SAMD4A: variants seen among roughly 807,000 people sequenced by gnomAD.
SAMD4A encodes sterile alpha motif domain containing 4A.
SAMD4A carries 33 observed loss-of-function variants against 81.3 expected under a neutral mutation model. The observed-to-expected ratio is 0.41, with a 90% CI of 0.31 to 0.54. The LOEUF is 0.54. SAMD4A is among the 20% of genes least tolerant of loss of function. The pLI is 0.37. For missense variants in SAMD4A, 854 were observed against 951.1 expected (o/e 0.90, Z 1.34); for synonymous variants, 389 against 382.1 (o/e 1.02, Z -0.21).
chr14:54,626,066 G>A (rs999065633), intron 2 of SAMD4A, among the ~76,000 whole-genome samples: 9 of 93,654 alleles, frequency 9.6e-5, no homozygotes, highest in African/African-American at 1.5e-4. Flanking sequence ...GTGTGCGCGC[G>A]CGCGCGCGCG....
chr14:54,769,356 G>A (rs1460026282), intron 8 of SAMD4A, among the ~76,000 whole-genome samples: 3 of 152,130 alleles, frequency 2.0e-5, no homozygotes, highest in Non-Finnish European at 4.4e-5. Flanking sequence ...TTCCTGCCTT[G>A]GAGACTCCTA....
chr14:54,736,626 A>C (rs2037701014), intron 3 of SAMD4A, among the ~76,000 whole-genome samples: 1 of 152,266 alleles, frequency 6.6e-6, no homozygotes, highest in Non-Finnish European at 1.5e-5. Context: ...TCTGTTTAAA[A>C]AACAACAGCA....
chr14:54,575,236 A>G (rs1394720793), intron 2 of SAMD4A, among the ~76,000 whole-genome samples: 1 of 152,142 alleles, frequency 6.6e-6, no homozygotes, highest in African/African-American at 2.4e-5. Context: ...CGACAAAGCT[A>G]TGGCCAGCAG....
chr14:54,750,534 G>A (rs2140974259), intron 5 of SAMD4A, among the ~76,000 whole-genome samples: 1 of 152,294 alleles, frequency 6.6e-6, no homozygotes, highest in South Asian at 2.1e-4. Context: ...AACTCTTACT[G>A]TGAATCCTAA....
At chr14:54,636,824 C>T (rs1340316152) in intron 2 of SAMD4A, among the ~76,000 whole-genome samples, 1 of 152,026 alleles carries the variant, frequency 6.6e-6, no homozygotes, top group African/African-American at 2.4e-5. Flanking sequence ...GGCAGGAAAG[C>T]TCAGGAATTT....
intron 6 of SAMD4A, among the ~76,000 whole-genome samples, chr14:54,754,214 CT>C (rs1336449797): frequency 6.6e-6 from 1 of 152,166 alleles, no homozygotes; most frequent in East Asian, 1.9e-4. Context: ...TCCATCTAGC[CT>C]TTGATAAGTC....
At chr14:54,652,317 G>A (rs1410825350) in intron 2 of SAMD4A, among the ~76,000 whole-genome samples, 6 of 152,162 alleles carry the variant, frequency 3.9e-5, no homozygotes, top group Non-Finnish European at 5.9e-5. Context: ...ATCTAAAAGC[G>A]AAAGAATGTA....
chr14:54,789,056 C>A lies in SAMD4A; in HGVS notation c.*112C>A. The stretch of plus-strand genomic sequence containing the variant: ...TCCAAGATACTTTGCAGCCTTTTTT[C>A]CCCCTGGTCCCTCTCCCGTTTTGAT... On this transcript the variant is annotated 3_prime_UTR_variant, in exon 13 of 13. Coordinates refer to ENST00000554335, the MANE Select transcript of SAMD4A (RefSeq NM_015589.6). The A allele has an allele frequency of 8.5e-7, 1 of 1,181,526 alleles. No homozygotes were observed. The highest frequency in any genetic ancestry group is 1.2e-5 in the South Asian group (1 of 81,580). The allele number at this position is 1,181,526 out of a possible 1,614,324, so 73.2% of individuals were successfully genotyped here.
chr14:54,647,196 C>T (rs1286377450), intron 2 of SAMD4A, among the ~76,000 whole-genome samples: 1 of 152,078 alleles, frequency 6.6e-6, no homozygotes, highest in African/African-American at 2.4e-5. Flanking sequence ...ATGTTTGATA[C>T]GTTATTATCA....
At chr14:54,635,725 G>A (rs1237796188) in intron 2 of SAMD4A, among the ~76,000 whole-genome samples, 1 of 150,768 alleles carries the variant, frequency 6.6e-6, no homozygotes, top group Non-Finnish European at 1.5e-5. Flanking sequence ...TCCAGCGACA[G>A]AGCAAGACTC....
At chr14:54,569,060 TA>T (rs2033050150) in intron 2 of SAMD4A, among the ~76,000 whole-genome samples, 1 of 151,698 alleles carries the variant, frequency 6.6e-6, no homozygotes, top group South Asian at 2.1e-4. Context: ...TGATTTTGGA[TA>T]GGGGGAAATT....
chr14:54,580,137 C>G (rs1489978203), intron 2 of SAMD4A, among the ~76,000 whole-genome samples: 2 of 152,170 alleles, frequency 1.3e-5, no homozygotes, highest in Non-Finnish European at 2.9e-5. Context: ...CTAAGGGCAC[C>G]TGTTAGTAGG....
chr14:54,714,739 A>G (rs1332647329), intron 3 of SAMD4A, among the ~76,000 whole-genome samples: 2 of 152,130 alleles, frequency 1.3e-5, no homozygotes, highest in Non-Finnish European at 2.9e-5. Context: ...TGTTGTCGTT[A>G]TTACTGCTGG....
At chr14:54,640,466 C>T (rs1036228207) in intron 2 of SAMD4A, among the ~76,000 whole-genome samples, 1 of 152,160 alleles carries the variant, frequency 6.6e-6, no homozygotes, top group Admixed American at 6.5e-5. Context: ...GTTGATGGGA[C>T]TCACTGCGGG....
intron 2 of SAMD4A, among the ~76,000 whole-genome samples, chr14:54,679,440 C>A (rs1209654756): frequency 2.0e-5 from 3 of 152,188 alleles, no homozygotes; most frequent in Non-Finnish European, 2.9e-5. Context: ...CAATCTGCAA[C>A]CAAGAACGTG....
Position 54,789,177 on chromosome 14 carries a change from G to A in SAMD4A, c.*233G>A. 1.8e-6 allele frequency: 1 copy of A among 569,500 alleles called. No homozygotes were observed. Among genetic ancestry groups the A allele is most frequent in the Non-Finnish European group, 3.2e-6 (1 of 316,330 alleles). 35.3% of individuals were successfully genotyped at this position (569,500 alleles called of 1,614,324 possible). A position where few individuals can be genotyped will look rare whatever the true frequency, so the allele number is the denominator to read the frequency against. Reference sequence around the variant, plus strand: ...CTGTCATGGGATGGTTTGGTGTGTGGGGTGGGGAGGGGTCTCTAGGGAATT... The same window carrying A: ...CTGTCATGGGATGGTTTGGTGTGTGAGGTGGGGAGGGGTCTCTAGGGAATT... On this transcript the variant is annotated 3_prime_UTR_variant, in exon 13 of 13. Coordinates refer to ENST00000554335, the MANE Select transcript of SAMD4A (RefSeq NM_015589.6).
chr14:54,706,566 C>T (rs572752016), intron 3 of SAMD4A, among the ~76,000 whole-genome samples: 58 of 150,078 alleles, frequency 3.9e-4, no homozygotes, highest in Admixed American at 6.6e-4. Flanking sequence ...GGTGGTGCCA[C>T]TGTACTCCAG....
At chr14:54,728,208 G>A (rs1025137164) in intron 3 of SAMD4A, among the ~76,000 whole-genome samples, 11 of 152,110 alleles carry the variant, frequency 7.2e-5, no homozygotes, top group Admixed American at 2.6e-4. Context: ...AGAGAAGAAC[G>A]GTACGGTTTA....
At chr14:54,652,394 C>G (rs910585628) in intron 2 of SAMD4A, among the ~76,000 whole-genome samples, 3 of 152,194 alleles carry the variant, frequency 2.0e-5, no homozygotes, top group African/African-American at 7.2e-5. Context: ...GACCAACTTG[C>G]GGCATGCCAG....
Sources: allele counts gnomAD v4.1 joint callset (sites outside exome capture counted in the v4.1 genomes callset), GRCh38; gene constraint gnomAD v4.1.1; transcripts MANE v1.5; gene names NCBI Gene and HGNC (gene_info 2026-07-23, HGNC 2026-07-21).